Variants in OR5A1 observed in about 807,000 individuals in gnomAD.
OR5A1 encodes the protein olfactory receptor family 5 subfamily A member 1.
OR5A1 carries 6 observed loss-of-function variants against 6.7 expected under a neutral mutation model. The ratio of observed to expected loss-of-function variants is 0.89; its 90% CI spans 0.49 to 1.76. The LOEUF is 1.76. OR5A1 is among the 40% of genes most tolerant of loss of function. The pLI, the probability that OR5A1 is intolerant of heterozygous loss-of-function variation, is 0.01. For missense variants in OR5A1, 378 were observed against 381.7 expected, an observed-to-expected ratio of 0.99 and a Z score of 0.08; for synonymous variants, 170 against 155.0, an observed-to-expected ratio of 1.10 and a Z score of -0.72.
At position 59,450,517 on chromosome 11, in the gene OR5A1, A is replaced by G. The variant is rs1435688456; in HGVS notation, c.*6401A>G. 6.6e-6 allele frequency: 1 copy of G among 152,240 alleles called. No individual in the cohort carries two copies. The highest frequency in any genetic ancestry group is 1.9e-4 in the East Asian group (1 of 5,202). 9.4% of individuals were successfully genotyped at this position (152,240 alleles called of 1,614,324 possible). The stretch of plus-strand genomic sequence containing the variant: ...CAAAAAACAGAAAAATACAAGATAC[A>G]TAATATCAGAGCTCAAATTAATGGA... On this transcript the variant is annotated 3_prime_UTR_variant, in exon 2 of 2. Coordinates refer to ENST00000641045, the MANE Select transcript of OR5A1 (RefSeq NM_001004728.2).
chr11:59,444,010 A>C lies in OR5A1; in HGVS notation c.842A>C (p.Tyr281Ser). 1.2e-6 allele frequency: 2 copies of C among 1,614,020 alleles called. No individual in the cohort carries two copies. Among genetic ancestry groups the C allele is most frequent in the South Asian group, 1.1e-5 (1 of 91,066 alleles). Reference protein sequence around the residue: ...LGRDKVVSVFYSLVIPMLNPL... With the variant: ...LGRDKVVSVFSSLVIPMLNPL... ...AGGGACAAGGTGGTGTCTGTTTTCT[A>C]TTCATTGGTGATCCCCATGCTGAAC... Residue 281 changes from tyrosine (Y) to serine (S), a missense_variant, in exon 2 of 2, where the codon TAT (tyrosine) becomes TCT (serine). Physicochemically the swap from Tyr to Ser is moderately radical, Grantham distance 144. Coordinates refer to ENST00000641045, the MANE Select transcript of OR5A1 (RefSeq NM_001004728.2).
chr11:59,438,281 A>C (rs1858444462), intron 1 of OR5A1, among the ~76,000 whole-genome samples: 1 of 152,218 alleles, frequency 6.6e-6, no homozygotes, highest in Non-Finnish European at 1.5e-5. Context: ...ACTAAAAGAG[A>C]GCTAAAAGAG....
rs1334666939 is a variant in OR5A1 at position 59,446,118 on chromosome 11, G to A, written c.*2002G>A. 6.6e-6 allele frequency: 1 copy of A among 152,096 alleles called. No homozygotes were observed. Among genetic ancestry groups the A allele is most frequent in the Admixed American group, 6.5e-5 (1 of 15,274 alleles). The allele number at this position is 152,096 out of a possible 1,614,324, so 9.4% of individuals were successfully genotyped here. A position where few individuals can be genotyped will look rare whatever the true frequency, so the allele number is the denominator to read the frequency against. ...TCTTCTAGGATTTTTATAGTTTGGG[G>A]CTTTACATTTAAATCTTTAATCCAT... On this transcript the variant is annotated 3_prime_UTR_variant, in exon 2 of 2. Coordinates refer to ENST00000641045, the MANE Select transcript of OR5A1 (RefSeq NM_001004728.2).
At position 59,445,868 on chromosome 11, in the gene OR5A1, T is replaced by C. The variant is rs1412997906; in HGVS notation, c.*1752T>C. 3 of 152,214 alleles carry C rather than the reference T, an allele frequency of 2.0e-5. No individual in the cohort carries two copies. The highest frequency in any genetic ancestry group is 1.9e-4 in the East Asian group (1 of 5,208). 9.4% of individuals were successfully genotyped at this position (152,214 alleles called of 1,614,324 possible). ...CTTTTAGATAGGGTTGTTTGTTTTT[T>C]TCTTGTAAATTTGTTTAAGTTACCT... On this transcript the variant is annotated 3_prime_UTR_variant, in exon 2 of 2. Coordinates refer to ENST00000641045, the MANE Select transcript of OR5A1 (RefSeq NM_001004728.2).
chr11:59,444,063 G>A lies in OR5A1; in HGVS notation c.895G>A (p.Glu299Lys). 6.2e-7 allele frequency: 1 copy of A among 1,614,112 alleles called. No individual in the cohort carries two copies. The highest frequency in any genetic ancestry group is 8.5e-7 in the Non-Finnish European group (1 of 1,179,992). Residue 299 changes from glutamate (E) to lysine (K), a missense_variant, in exon 2 of 2, where the codon GAG becomes AAG. By Grantham distance (56) the Glu-to-Lys change is moderately conservative (BLOSUM62 1). Coordinates refer to ENST00000641045, the MANE Select transcript of OR5A1 (RefSeq NM_001004728.2). ...NPLIYSLRNK[E>K]IKDALWKVLE... ...TCTCATTTACAGTTTGAGGAACAAA[G>A]AGATCAAGGATGCCCTGTGGAAGGT...
rs943571512 is a variant in OR5A1, at chr11:59,436,495, A to T, written c.-374A>T. 1 of 152,184 alleles carries T rather than the reference A, an allele frequency of 6.6e-6. No individual in the cohort carries two copies. Among genetic ancestry groups the T allele is most frequent in the Non-Finnish European group, 1.5e-5 (1 of 68,070 alleles). The allele number at this position is 152,184 out of a possible 1,614,324, so 9.4% of individuals were successfully genotyped here. ...TGAAACATCTCCAAGGACAGAAGAA[A>T]AAAACCTCTCCCCAATTTACCCCCA... On this transcript the variant is annotated 5_prime_UTR_variant, in exon 1 of 2. Transcript: ENST00000641045.
At chr11:59,439,385 T>G (rs1227084164) in intron 1 of OR5A1, among the ~76,000 whole-genome samples, 1 of 152,226 alleles carries the variant, frequency 6.6e-6, no homozygotes, top group African/African-American at 2.4e-5. Flanking sequence ...CCTCTCAGAC[T>G]CTTCCTCTTC....
At chr11:59,438,116 C>T (rs772517866) in intron 1 of OR5A1, among the ~76,000 whole-genome samples, 1 of 152,160 alleles carries the variant, frequency 6.6e-6, no homozygotes, top group African/African-American at 2.4e-5. Flanking sequence ...CTTCCTGCAG[C>T]CCTCACCAGA....
intron 1 of OR5A1, among the ~76,000 whole-genome samples, chr11:59,438,098 G>A (rs1201052514): frequency 6.6e-6 from 1 of 152,148 alleles, no homozygotes; most frequent in African/African-American, 2.4e-5. Flanking sequence ...CTTCCGCCGT[G>A]ATTATAGCTT....
Position 59,438,543 on chromosome 11 carries a change from T to TA in OR5A1, c.-34+1710dup, listed in dbSNP as rs200546116. 8.3e-3 allele frequency among the ~76,000 whole-genome samples: 1,261 copies of TA among 152,282 alleles called. 8 individuals carry two copies. Among genetic ancestry groups the TA allele is most frequent in the Non-Finnish European group, 0.011 (767 of 68,016 alleles). ...ACCGTGATAATCTGAGTGAGGCATT[T>TA]AAGAGCCTGATTCTGAAATCACAGC... is the stretch of plus-strand genomic sequence containing the variant. On this transcript the variant is annotated intron_variant, in intron 1 of 1. Coordinates refer to ENST00000641045, the MANE Select transcript of OR5A1 (RefSeq NM_001004728.2).
rs977738466 is a variant in OR5A1, at chr11:59,449,718, A to G, written c.*5602A>G. The G allele has an allele frequency of 7.2e-5, 11 of 152,224 alleles. No individual in the cohort carries two copies. The highest frequency in any genetic ancestry group is 1.0e-4 in the Non-Finnish European group (7 of 68,036). 9.4% of individuals were successfully genotyped at this position (152,224 alleles called of 1,614,324 possible). A position where few individuals can be genotyped will look rare whatever the true frequency, so the allele number is the denominator to read the frequency against. On this transcript the variant is annotated 3_prime_UTR_variant, in exon 2 of 2. Coordinates refer to ENST00000641045, the MANE Select transcript of OR5A1 (RefSeq NM_001004728.2). The stretch of plus-strand genomic sequence containing the variant: ...TCTCTCATATGCATTAAGCCATTTA[A>G]TTGACTTATACAGCAACATAAGTGA...
rs1314134562 is a variant in OR5A1, at chr11:59,450,513, A to G, written c.*6397A>G. 1 of 152,198 alleles carries G rather than the reference A, an allele frequency of 6.6e-6. No homozygotes were observed. Among genetic ancestry groups the G allele is most frequent in the Non-Finnish European group, 1.5e-5 (1 of 68,038 alleles). The allele number at this position is 152,198 out of a possible 1,614,324, so 9.4% of individuals were successfully genotyped here. A position where few individuals can be genotyped will look rare whatever the true frequency, so the allele number is the denominator to read the frequency against. ...AAAACAAAAAACAGAAAAATACAAGATACATAATATCAGAGCTCAAATTAA... is the reference window on the plus strand; with the variant it reads ...AAAACAAAAAACAGAAAAATACAAGGTACATAATATCAGAGCTCAAATTAA... On this transcript the variant is annotated 3_prime_UTR_variant, in exon 2 of 2. Transcript: ENST00000641045.
chr11:59,436,675 A>T lies in OR5A1; in HGVS notation c.-194A>T, dbSNP rs1295034266. On this transcript the variant is annotated 5_prime_UTR_variant, in exon 1 of 2. Transcript: ENST00000641045. ...AGCACACCTTCTATGCACCAAGAGGATATTTTGATCCTTGATGAAAAAACC... is the reference window on the plus strand; with the variant it reads ...AGCACACCTTCTATGCACCAAGAGGTTATTTTGATCCTTGATGAAAAAACC... 1.3e-5 allele frequency: 2 copies of T among 152,318 alleles called. No homozygotes were observed. The highest frequency in any genetic ancestry group is 3.9e-4 in the East Asian group (2 of 5,186). 9.4% of individuals were successfully genotyped at this position (152,318 alleles called of 1,614,324 possible).
At chr11:59,441,564 A>T (rs992957936) in intron 1 of OR5A1, among the ~76,000 whole-genome samples, 6 of 152,234 alleles carry the variant, frequency 3.9e-5, no homozygotes, top group African/African-American at 1.4e-4. Flanking sequence ...CCCTCTGACC[A>T]CATTTTTCCT....
intron 1 of OR5A1, 95 bp downstream of exon 1, chr11:59,436,930 C>A (rs894622401): frequency 3.3e-5 from 5 of 152,136 alleles, no homozygotes; most frequent in African/African-American, 1.2e-4. Context: ...CCAATAAGTT[C>A]TTTGACTTTT....
At position 59,448,874 on chromosome 11, in the gene OR5A1, A is replaced by G. The variant is rs1858583485; in HGVS notation, c.*4758A>G. 6.6e-6 allele frequency: 1 copy of G among 152,182 alleles called. No homozygotes were observed. The highest frequency in any genetic ancestry group is 1.5e-5 in the Non-Finnish European group (1 of 68,032). 9.4% of individuals were successfully genotyped at this position (152,182 alleles called of 1,614,324 possible). On this transcript the variant is annotated 3_prime_UTR_variant, in exon 2 of 2. Transcript: ENST00000641045. ...ATTGTCACATGAAATTGACTCTTGA[A>G]CTATAATATTGTTGATGAAATTTCT... is the stretch of plus-strand genomic sequence containing the variant.
chr11:59,441,977 TAG>T, intron 1 of OR5A1, among the ~76,000 whole-genome samples: 1 of 149,648 alleles, frequency 6.7e-6, no homozygotes, highest in Non-Finnish European at 1.5e-5. Flanking sequence ...GATAGATAGA[TAG>T]ATAGATAGAT....
rs1231781741 is a variant in OR5A1, at chr11:59,447,554, G to A, written c.*3438G>A. The A allele has an allele frequency of 6.6e-6, 1 of 152,116 alleles. No individual in the cohort carries two copies. The highest frequency in any genetic ancestry group is 2.4e-5 in the African/African-American group (1 of 41,406). The allele number at this position is 152,116 out of a possible 1,614,324, so 9.4% of individuals were successfully genotyped here. ...TTTACAGGCATTTTACCATTACAAG[G>A]GAAATTCAAGAAAGAATATGAGAAG... On this transcript the variant is annotated 3_prime_UTR_variant, in exon 2 of 2. Coordinates refer to ENST00000641045, the MANE Select transcript of OR5A1 (RefSeq NM_001004728.2).
In OR5A1 at chr11:59,444,115, A is replaced by G; in HGVS notation, c.947A>G (p.Ter316TrpextTer58). ...TTGGAAAGGAAGAAAGTGTTTTCTTAGGTCATGCGTAGAAACTTATTTATC... is the reference window on the plus strand; with the variant it reads ...TTGGAAAGGAAGAAAGTGTTTTCTTGGGTCATGCGTAGAAACTTATTTATC... ...KVLERKKVFS[*>W] Residue 316 changes from the stop codon to tryptophan (W), a stop_lost, in exon 2 of 2, where the codon TAG becomes TGG. Transcript: ENST00000641045. 1.3e-6 allele frequency: 2 copies of G among 1,598,192 alleles called. No homozygotes were observed. Among genetic ancestry groups the G allele is most frequent in the Non-Finnish European group, 1.7e-6 (2 of 1,166,626 alleles).
Sources: allele counts gnomAD v4.1 joint callset (sites outside exome capture counted in the v4.1 genomes callset), GRCh38; gene constraint gnomAD v4.1.1; transcripts MANE v1.5; gene names NCBI Gene and HGNC (gene_info 2026-07-23, HGNC 2026-07-21).